Variants in MALRD1 observed in about 807,000 individuals in gnomAD.
MALRD1 encodes MAM and LDL-receptor class A domain-containing protein 1.
MALRD1 carries 247 observed loss-of-function variants against 242.1 expected under a neutral mutation model. The ratio of observed to expected loss-of-function variants is 1.02; its 90% CI spans 0.92 to 1.13. MALRD1 has a LOEUF of 1.13. Among genes scored for constraint, MALRD1 ranks in the 50% most tolerant of loss-of-function variants. The probability of loss-of-function intolerance (pLI) is 0.00; values close to 1 mark genes in which losing one functional copy is unlikely to be tolerated. For missense variants in MALRD1, 2,989 were observed against 2,533.1 expected (o/e 1.18, Z -3.86); for synonymous variants, 995 against 866.6 (o/e 1.15, Z -2.60).
chr10:19,568,326 C>A (rs1350971460), intron 33 of MALRD1, among the ~76,000 whole-genome samples: 4 of 151,606 alleles, frequency 2.6e-5, no homozygotes, highest in African/African-American at 9.7e-5. Context: ...CTACTCAATG[C>A]CTCTTTAAAA....
chr10:19,389,834 T>C (rs7899304), intron 28 of MALRD1, among the ~76,000 whole-genome samples: 132,705 of 152,074 alleles, frequency 0.87, 58,145 homozygotes, highest in African/African-American at 0.92. Flanking sequence ...AGAATAATTT[T>C]ATATTTTTTG....
chr10:19,129,154 T>C (rs1037108335), intron 8 of MALRD1, among the ~76,000 whole-genome samples: 3 of 152,022 alleles, frequency 2.0e-5, no homozygotes, highest in African/African-American at 7.2e-5. Flanking sequence ...ATTCCACAGG[T>C]TGAGGTCTCA....
intron 18 of MALRD1, among the ~76,000 whole-genome samples, chr10:19,249,348 C>A (rs1478791808): frequency 6.6e-6 from 1 of 151,186 alleles, no homozygotes; most frequent in Non-Finnish European, 1.5e-5. Context: ...TAAAAGGATG[C>A]AGGATTTGTC....
chr10:19,210,607 A>G (rs1837007522), intron 18 of MALRD1, among the ~76,000 whole-genome samples: 1 of 152,196 alleles, frequency 6.6e-6, no homozygotes, highest in African/African-American at 2.4e-5. Flanking sequence ...CAACTTCTTT[A>G]GTTACCCAAA....
At chr10:19,163,940 G>A (rs72790787) in intron 12 of MALRD1, among the ~76,000 whole-genome samples, 19,040 of 152,210 alleles carry the variant, frequency 0.13, 1,263 homozygotes, top group Middle Eastern at 0.18. Context: ...TGACAGCTCA[G>A]AATTCTGATG....
intron 21 of MALRD1, among the ~76,000 whole-genome samples, chr10:19,319,601 C>G (rs1019984449): frequency 6.6e-6 from 1 of 152,050 alleles, no homozygotes; most frequent in Non-Finnish European, 1.5e-5. Context: ...TTATTTATCA[C>G]AGTTCTGGAG....
intron 19 of MALRD1, among the ~76,000 whole-genome samples, chr10:19,272,548 G>T (rs1453773300): frequency 6.6e-6 from 1 of 152,038 alleles, no homozygotes; most frequent in Admixed American, 6.6e-5. Flanking sequence ...TAAGTTCCGG[G>T]ATACATGTGT....
intron 12 of MALRD1, among the ~76,000 whole-genome samples, chr10:19,161,524 T>A (rs1175042740): frequency 5.7e-5 from 3 of 52,210 alleles, no homozygotes; most frequent in African/African-American, 7.3e-5. Flanking sequence ...AATAAATAAA[T>A]ATAATAAAAA....
At chr10:19,604,592 C>G (rs2131584892) in intron 34 of MALRD1, among the ~76,000 whole-genome samples, 1 of 152,252 alleles carries the variant, frequency 6.6e-6, no homozygotes, top group East Asian at 1.9e-4. Context: ...ACCAAGTTAT[C>G]TAGATCTAGC....
intron 28 of MALRD1, among the ~76,000 whole-genome samples, chr10:19,422,299 A>G (rs894921443): frequency 6.6e-6 from 1 of 152,214 alleles, no homozygotes; most frequent in African/African-American, 2.4e-5. Context: ...ACAGTAATCA[A>G]TGTATGAGAA....
intron 14 of MALRD1, among the ~76,000 whole-genome samples, chr10:19,199,366 A>G (rs1025384019): frequency 6.6e-6 from 1 of 152,234 alleles, no homozygotes; most frequent in Admixed American, 6.5e-5. Context: ...ACAATTATTA[A>G]TGATTTAACT....
intron 14 of MALRD1, among the ~76,000 whole-genome samples, chr10:19,196,292 T>C (rs529032139): frequency 1.3e-5 from 2 of 152,316 alleles, no homozygotes; most frequent in African/African-American, 2.4e-5. Flanking sequence ...CCTCCTTTCT[T>C]TTATATTACT....
intron 21 of MALRD1, among the ~76,000 whole-genome samples, chr10:19,323,562 A>G (rs1842989600): frequency 6.6e-6 from 1 of 152,182 alleles, no homozygotes; most frequent in African/African-American, 2.4e-5. Flanking sequence ...AGGAAAAAAT[A>G]TAAAGCAATA....
chr10:19,725,492 G>T (rs972799727), intron 38 of MALRD1, among the ~76,000 whole-genome samples: 6 of 152,092 alleles, frequency 3.9e-5, no homozygotes, highest in African/African-American at 1.4e-4. Context: ...AATTACCCAG[G>T]CTCAGGTATT....
chr10:19,650,396 C>G (rs1840817432), intron 36 of MALRD1, among the ~76,000 whole-genome samples: 1 of 152,030 alleles, frequency 6.6e-6, no homozygotes, highest in African/African-American at 2.4e-5. Context: ...AGAAATAATA[C>G]AAAATGGAAA....
chr10:19,526,548 A>G (rs1834109534), intron 31 of MALRD1, among the ~76,000 whole-genome samples: 1 of 152,092 alleles, frequency 6.6e-6, no homozygotes, highest in Non-Finnish European at 1.5e-5. Flanking sequence ...ATGCATTAAT[A>G]CTTTGGCCAA....
chr10:19,532,652 A>G (rs1160110424), intron 32 of MALRD1, among the ~76,000 whole-genome samples: 2 of 152,136 alleles, frequency 1.3e-5, no homozygotes, highest in African/African-American at 4.8e-5. Context: ...GAGAGAACGA[A>G]AAAAGGCCTT....
At chr10:19,129,962 C>G (rs922251363) in intron 8 of MALRD1, among the ~76,000 whole-genome samples, 1 of 150,278 alleles carries the variant, frequency 6.7e-6, no homozygotes, top group East Asian at 1.9e-4. Context: ...CTCTATCTCC[C>G]CACACATCCA....
intron 29 of MALRD1, among the ~76,000 whole-genome samples, chr10:19,486,573 C>T (rs116197456): frequency 5.0e-4 from 76 of 152,224 alleles, no homozygotes; most frequent in African/African-American, 1.8e-3. Flanking sequence ...CCATGGTCTT[C>T]AAAAGCAGGG....
Sources: gnomAD v4.1 joint callset for allele counts (sites outside exome capture counted in the v4.1 genomes callset) on GRCh38, gnomAD v4.1.1 for gene constraint, MANE v1.5 for transcripts, NCBI Gene and HGNC (gene_info 2026-07-23, HGNC 2026-07-21) for gene names.